P3H2: variants seen among roughly 807,000 people sequenced by gnomAD.
The protein encoded by P3H2 is leprecan-like 1.
In P3H2, 80 loss-of-function variants were observed where a neutral mutation model predicts 87.0. The ratio of observed to expected loss-of-function variants is 0.92; its 90% CI spans 0.77 to 1.11. P3H2 has a LOEUF of 1.11. P3H2 is among the 50% of genes least tolerant of loss of function. P3H2 has a pLI of 0.00. For missense variants in P3H2, 1,001 were observed against 923.9 expected, an observed-to-expected ratio of 1.08 and a Z score of -1.08; for synonymous variants, 367 against 359.3, an observed-to-expected ratio of 1.02 and a Z score of -0.24.
chr3:190,120,345 C>T lies in P3H2; in HGVS notation c.387G>A (p.Gly129=), dbSNP rs867307031. The part of the protein sequence containing the change: ...CYRSCETQRL[G]GPASRHRVSE... The stretch of plus-strand genomic sequence containing the variant: ...TGACGCGGTGGCGGGATGCGGGGCC[C>T]CCGAGGCGCTGGGTCTCACAGCTGC... The change falls in exon 1 of 15, where the codon GGG becomes GGA. Residue 129 remains glycine (G), a synonymous_variant. Coordinates refer to ENST00000319332, the MANE Select transcript of P3H2 (RefSeq NM_018192.4). 1.9e-6 allele frequency: 3 copies of T among 1,586,386 alleles called. No individual in the cohort carries two copies. Among genetic ancestry groups the T allele is most frequent in the African/African-American group, 1.3e-5 (1 of 74,712 alleles).
intron 1 of P3H2, among the ~76,000 whole-genome samples, chr3:190,077,628 T>C (rs925328163): frequency 1.3e-5 from 2 of 152,130 alleles, no homozygotes; most frequent in African/African-American, 2.4e-5. Flanking sequence ...AGAAGGGAGA[T>C]GATAAATACT....
chr3:190,018,701 C>A (rs1234756057), intron 1 of P3H2, among the ~76,000 whole-genome samples: 1 of 152,024 alleles, frequency 6.6e-6, no homozygotes, highest in Admixed American at 6.6e-5. Context: ...ACAGCAAGAC[C>A]CTGACTCAAA....
At chr3:190,112,138 T>C (rs1560406365) in intron 1 of P3H2, among the ~76,000 whole-genome samples, 1 of 152,276 alleles carries the variant, frequency 6.6e-6, no homozygotes, top group Admixed American at 6.5e-5. Context: ...TGTTCTAGTG[T>C]GGATCTTACA....
At chr3:190,023,984 G>C (rs9867694) in intron 1 of P3H2, among the ~76,000 whole-genome samples, 6,377 of 152,202 alleles carry the variant, frequency 0.042, 391 homozygotes, top group African/African-American at 0.14. Flanking sequence ...TTAACTGTTA[G>C]GGTCCCGTTT....
chr3:189,971,101 A>G (rs1002195698), intron 12 of P3H2, among the ~76,000 whole-genome samples: 2 of 152,206 alleles, frequency 1.3e-5, no homozygotes, highest in African/African-American at 4.8e-5. Flanking sequence ...TTCCACCTTT[A>G]CTAAAATTGT....
chr3:189,965,479 C>T (rs181188166), intron 13 of P3H2, among the ~76,000 whole-genome samples: 171 of 152,260 alleles, frequency 1.1e-3, no homozygotes, highest in African/African-American at 3.9e-3. Flanking sequence ...TACTCTTCTA[C>T]TCACAATAAC....
intron 1 of P3H2, among the ~76,000 whole-genome samples, chr3:190,006,386 A>T (rs142465053): frequency 6.6e-6 from 1 of 152,330 alleles, no homozygotes; most frequent in African/African-American, 2.4e-5. Flanking sequence ...ACAAATAGAC[A>T]CTTGGGATTT....
intron 3 of P3H2, among the ~76,000 whole-genome samples, chr3:189,992,840 AC>A (rs1233194861): frequency 1.3e-5 from 2 of 152,252 alleles, no homozygotes; most frequent in African/African-American, 4.8e-5. Context: ...GAAGTAAATT[AC>A]TATGAACAAT....
intron 1 of P3H2, among the ~76,000 whole-genome samples, chr3:190,030,444 A>G (rs1725217819): frequency 6.6e-6 from 1 of 152,112 alleles, no homozygotes; most frequent in African/African-American, 2.4e-5. Context: ...ATGGCACGCA[A>G]CCCTGGAGGC....
rs1301352530 is a variant in P3H2, at chr3:189,970,808, T to TTACTTACAG, written c.1892_1893+7dup. 2.0e-6 allele frequency: 3 copies of TTACTTACAG among 1,526,340 alleles called. No homozygotes were observed. The Admixed American group carries it at 5.0e-5, about 25-fold the overall frequency. The allele number at this position is 1,526,340 out of a possible 1,614,324, so 94.5% of individuals were successfully genotyped here. ...ACTAAATAAGTATTCAAGAATAGGTTTACTTACAGTCACAGTCTTAGCATC... is the reference window on the plus strand; with the variant it reads ...ACTAAATAAGTATTCAAGAATAGGTTTACTTACAGTACTTACAGTCACAGTCTTAGCATC... On this transcript the variant is annotated splice_region_variant and intron_variant, in intron 13 of 14. Transcript: ENST00000319332.
chr3:190,010,426 C>G (rs1455586052), intron 1 of P3H2, among the ~76,000 whole-genome samples: 1 of 152,054 alleles, frequency 6.6e-6, no homozygotes, highest in Non-Finnish European at 1.5e-5. Context: ...AAAGAAGAAA[C>G]TGAGTTAAAA....
chr3:190,026,882 T>C (rs1232441743), intron 1 of P3H2, among the ~76,000 whole-genome samples: 3 of 152,086 alleles, frequency 2.0e-5, no homozygotes, highest in Non-Finnish European at 4.4e-5. Flanking sequence ...CTGCGAAGTG[T>C]GTAGTATTTA....
rs571272890 is a variant in P3H2 at position 190,037,942 on chromosome 3, T to A, written c.481-42500A>T. 2.6e-5 allele frequency among the ~76,000 whole-genome samples: 4 copies of A among 152,270 alleles called. No individual in the cohort carries two copies. In the South Asian group the frequency reaches 8.3e-4, roughly 32 times the overall value. On this transcript the variant is annotated intron_variant, in intron 1 of 14. Coordinates refer to ENST00000319332, the MANE Select transcript of P3H2 (RefSeq NM_018192.4). ...GTACAAAGCCACTCTCCTGCCTAAG[T>A]TGAAACTTCTCCACTGATCTCAAAG... is the stretch of plus-strand genomic sequence containing the variant.
intron 1 of P3H2, among the ~76,000 whole-genome samples, chr3:190,060,436 A>C (rs1236362093): frequency 6.6e-6 from 1 of 152,196 alleles, no homozygotes; most frequent in African/African-American, 2.4e-5. Flanking sequence ...GAATTAGAAG[A>C]ATCATGAATG....
chr3:189,972,301 A>T (rs528007172), intron 11 of P3H2, among the ~76,000 whole-genome samples: 1 of 152,304 alleles, frequency 6.6e-6, no homozygotes, highest in South Asian at 2.1e-4. Context: ...TGTACTTCAC[A>T]TAGGGCAGCA....
intron 1 of P3H2, among the ~76,000 whole-genome samples, chr3:190,105,627 C>T (rs1711803054): frequency 6.6e-6 from 1 of 152,178 alleles, no homozygotes; most frequent in Non-Finnish European, 1.5e-5. Flanking sequence ...GGAAGTAATT[C>T]CTTTCCTGTA....
intron 13 of P3H2, among the ~76,000 whole-genome samples, chr3:189,965,568 G>T (rs1722949808): frequency 2.6e-5 from 4 of 152,232 alleles, no homozygotes; most frequent in African/African-American, 7.2e-5. Context: ...TAAATCTAGA[G>T]AGTTCACGAG....
At chr3:190,105,495 C>T (rs1481297339) in intron 1 of P3H2, among the ~76,000 whole-genome samples, 1 of 152,104 alleles carries the variant, frequency 6.6e-6, no homozygotes, top group African/African-American at 2.4e-5. Flanking sequence ...CTCTCTTGAA[C>T]ATTGCCTAGT....
intron 1 of P3H2, among the ~76,000 whole-genome samples, chr3:190,109,845 CTTT>C (rs141845406): frequency 0.097 from 11,999 of 124,316 alleles, 655 homozygotes; most frequent in African/African-American, 0.21. Context: ...GATGCCCAGT[CTTT>C]TTTTTTTTTT....
Sources: gnomAD v4.1 joint callset for allele counts (sites outside exome capture counted in the v4.1 genomes callset) on GRCh38, gnomAD v4.1.1 for gene constraint, MANE v1.5 for transcripts, NCBI Gene and HGNC (gene_info 2026-07-23, HGNC 2026-07-21) for gene names.